The following RAD51B variants were observed in gnomAD, a reference collection of about 807,000 sequenced individuals.
The protein encoded by RAD51B is RAD51 paralog B, also known as DNA repair protein RAD51 homolog 2.
RAD51B carries 38 observed loss-of-function variants against 42.2 expected under a neutral mutation model. The ratio of observed to expected loss-of-function variants is 0.90; its 90% CI spans 0.70 to 1.18. The LOEUF (loss-of-function observed/expected upper bound fraction) is 1.18, where lower values mean the gene tolerates loss of function less well. Ranked by LOEUF, RAD51B falls within the 50% of genes most tolerant of loss-of-function variation. The pLI is 0.00. For missense variants in RAD51B, 373 were observed against 400.7 expected (o/e 0.93, Z 0.59); for synonymous variants, 154 against 145.2 (o/e 1.06, Z -0.43).
intron 10 of RAD51B, among the ~76,000 whole-genome samples, chr14:68,643,206 G>T: frequency 6.6e-6 from 1 of 152,168 alleles, no homozygotes. Flanking sequence ...GTGCATACAA[G>T]TTAAGAATTA....
At chr14:68,386,093 A>G (rs1438636784) in intron 8 of RAD51B, among the ~76,000 whole-genome samples, 1 of 152,132 alleles carries the variant, frequency 6.6e-6, no homozygotes, top group African/African-American at 2.4e-5. Flanking sequence ...ATGTGATCTC[A>G]TCAACATTTA....
rs1401610262 is a variant in RAD51B at position 67,975,365 on chromosome 14, C to G, written c.756+88161C>G. 6.6e-5 allele frequency among the ~76,000 whole-genome samples: 10 copies of G among 152,312 alleles called. 1 individual carries two copies. In the East Asian group the frequency reaches 1.2e-3, roughly 18 times the overall value. On this transcript the variant is annotated intron_variant, in intron 7 of 10. Transcript: ENST00000471583. Reference sequence around the variant, plus strand: ...CCCTTATTAATAACCAGTTGTGACTCTCATTGGCCTAATCAAATTTCTGTT... The same window carrying G: ...CCCTTATTAATAACCAGTTGTGACTGTCATTGGCCTAATCAAATTTCTGTT...
intron 9 of RAD51B, among the ~76,000 whole-genome samples, chr14:68,427,541 G>A (rs930400601): frequency 5.9e-5 from 9 of 152,190 alleles, no homozygotes; most frequent in African/African-American, 2.2e-4. Flanking sequence ...CTTGGGATCA[G>A]TTACTCCTTT....
intron 3 of RAD51B, among the ~76,000 whole-genome samples, chr14:67,831,168 C>G (rs1159187332): frequency 6.6e-6 from 1 of 152,076 alleles, no homozygotes; most frequent in East Asian, 1.9e-4. Context: ...AACCACCGCC[C>G]CCGGCCAGTA....
intron 8 of RAD51B, among the ~76,000 whole-genome samples, chr14:68,315,559 T>A (rs2082040557): frequency 6.6e-6 from 1 of 152,190 alleles, no homozygotes; most frequent in African/African-American, 2.4e-5. Context: ...TCTCACTCTA[T>A]CACCCAGGCT....
rs543654729 is a variant in RAD51B, at chr14:68,265,305, A to G, written c.757-26579A>G. Among the ~76,000 whole-genome samples, 65 of 152,340 alleles carry G rather than the reference A, an allele frequency of 4.3e-4. 1 individual carries two copies. The highest frequency in any genetic ancestry group is 1.5e-3 in the African/African-American group (62 of 41,592). Reference sequence around the variant, plus strand: ...ATTTATTACTCATTTATGGCTAAGTATATCACAAATAAATGTTAGGTCCCC... The same window carrying G: ...ATTTATTACTCATTTATGGCTAAGTGTATCACAAATAAATGTTAGGTCCCC... On this transcript the variant is annotated intron_variant, in intron 7 of 10. Transcript: ENST00000471583.
At chr14:67,842,794 T>G (rs1302084567) in intron 4 of RAD51B, among the ~76,000 whole-genome samples, 3 of 152,204 alleles carry the variant, frequency 2.0e-5, no homozygotes, top group Non-Finnish European at 4.4e-5. Context: ...TAGAATGATG[T>G]TGGCTGTGGG....
chr14:68,123,191 C>CTTTTTTTTTTTTTTTTT (rs541886088), intron 7 of RAD51B, among the ~76,000 whole-genome samples: 17 of 125,494 alleles, frequency 1.4e-4, no homozygotes, highest in Non-Finnish European at 1.8e-4. Context: ...TTCTTTCTTT[C>CTTTTTTTTTTTTTTTTT]TTTTTTTTTT....
chr14:68,156,455 T>TCTCTC (rs2078508050), intron 7 of RAD51B, among the ~76,000 whole-genome samples: 17 of 114,344 alleles, frequency 1.5e-4, no homozygotes, highest in South Asian at 1.0e-3. Context: ...CTTAGAAAAT[T>TCTCTC]TCTCTCTCTC....
intron 10 of RAD51B, among the ~76,000 whole-genome samples, chr14:68,568,995 A>T (rs551332783): frequency 1.5e-4 from 23 of 152,316 alleles, no homozygotes; most frequent in Admixed American, 4.6e-4. Context: ...GGCTTCCACA[A>T]TGCATGGTCC....
chr14:67,901,252 C>T (rs1318383555), intron 7 of RAD51B, among the ~76,000 whole-genome samples: 1 of 152,162 alleles, frequency 6.6e-6, no homozygotes, highest in African/African-American at 2.4e-5. Flanking sequence ...CACAGGGGTA[C>T]TAAAACCACA....
chr14:68,521,651 G>C (rs1886589460), intron 10 of RAD51B, among the ~76,000 whole-genome samples: 1 of 152,196 alleles, frequency 6.6e-6, no homozygotes, highest in South Asian at 2.1e-4. Context: ...TTCAGGTGGT[G>C]CCCTTGAGAG....
At position 68,477,808 on chromosome 14, in the gene RAD51B, C is replaced by T. The variant is rs1882824193; in HGVS notation, c.*144C>T. On this transcript the variant is annotated 3_prime_UTR_variant, in exon 11 of 11. Coordinates refer to ENST00000471583, the MANE Select transcript of RAD51B (RefSeq NM_133510.4). The stretch of plus-strand genomic sequence containing the variant: ...TGTTGAGATGGTAACAGATTTGCTC[C>T]TAAACCATTGAGCTAGCGATTTCAG... 4.7e-6 allele frequency: 7 copies of T among 1,494,108 alleles called. No homozygotes were observed. Among genetic ancestry groups the T allele is most frequent in the Non-Finnish European group, 6.2e-6 (7 of 1,124,312 alleles). 92.6% of individuals were successfully genotyped at this position (1,494,108 alleles called of 1,614,324 possible). A position where few individuals can be genotyped will look rare whatever the true frequency, so the allele number is the denominator to read the frequency against.
chr14:68,128,978 A>G (rs1030605437), intron 7 of RAD51B, among the ~76,000 whole-genome samples: 1 of 152,190 alleles, frequency 6.6e-6, no homozygotes, highest in Non-Finnish European at 1.5e-5. Flanking sequence ...AGTATCATTT[A>G]CTACTTTGTA....
intron 4 of RAD51B, among the ~76,000 whole-genome samples, chr14:67,854,516 GC>G (rs1407732325): frequency 6.6e-6 from 1 of 151,584 alleles, no homozygotes; most frequent in African/African-American, 2.4e-5. Flanking sequence ...CGCCTGTTGT[GC>G]CAGCTACTTG....
At chr14:68,442,806 A>G (rs1369926451) in intron 9 of RAD51B, among the ~76,000 whole-genome samples, 2 of 151,948 alleles carry the variant, frequency 1.3e-5, no homozygotes, top group Non-Finnish European at 2.9e-5. Flanking sequence ...TATTATTATT[A>G]TTATTCACAC....
rs147638277 is a variant in RAD51B at position 68,219,224 on chromosome 14, C to T, written c.757-72660C>T. 5.0e-3 allele frequency among the ~76,000 whole-genome samples: 759 copies of T among 152,232 alleles called. 7 individuals are homozygous for T. The highest frequency in any genetic ancestry group is 8.7e-3 in the Admixed American group (133 of 15,284). On this transcript the variant is annotated intron_variant, in intron 7 of 10. Coordinates refer to ENST00000471583, the MANE Select transcript of RAD51B (RefSeq NM_133510.4). Reference sequence around the variant, plus strand: ...CATGAGGATGCACTATGAAGGAAACCGCTAGGAAATTGGAATTATTTTAAA... The same window carrying T: ...CATGAGGATGCACTATGAAGGAAACTGCTAGGAAATTGGAATTATTTTAAA...
chr14:67,991,773 A>C lies in RAD51B; in HGVS notation c.756+104569A>C, dbSNP rs1334675918. 2.6e-5 allele frequency among the ~76,000 whole-genome samples: 4 copies of C among 152,164 alleles called. No individual in the cohort carries two copies. The East Asian group carries it at 7.7e-4, about 29-fold the overall frequency. On this transcript the variant is annotated intron_variant, in intron 7 of 10. Coordinates refer to ENST00000471583, the MANE Select transcript of RAD51B (RefSeq NM_133510.4). ...AGGAGTCAAAATTATTGGGTGATAT[A>C]GACAGTCTCAATAAACATAGGAGTG...
intron 10 of RAD51B, among the ~76,000 whole-genome samples, chr14:68,543,842 A>G (rs969689575): frequency 6.6e-6 from 1 of 152,268 alleles, no homozygotes; most frequent in East Asian, 1.9e-4. Flanking sequence ...GACTTGCCCT[A>G]TGAATGATAT....
Sources: gnomAD v4.1 joint callset for allele counts (sites outside exome capture counted in the v4.1 genomes callset) on GRCh38, gnomAD v4.1.1 for gene constraint, MANE v1.5 for transcripts, NCBI Gene and HGNC (gene_info 2026-07-23, HGNC 2026-07-21) for gene names.